The following SPOP variants were observed in gnomAD, a reference collection of about 807,000 sequenced individuals.
SPOP encodes the protein speckle-type POZ protein.
SPOP carries 11 observed loss-of-function variants against 45.6 expected under a neutral mutation model. The ratio of observed to expected loss-of-function variants is 0.24; its 90% CI spans 0.15 to 0.40. The LOEUF is 0.40. Among genes scored for constraint, SPOP ranks in the 10% least tolerant of loss-of-function variants. SPOP has a pLI of 1.00. For synonymous variants in SPOP, 166 were observed against 166.3 expected, an observed-to-expected ratio of 1.00 and a Z score of 0.01; for missense variants, 152 against 465.6, an observed-to-expected ratio of 0.33 and a Z score of 6.20.
intron 1 of SPOP, among the ~76,000 whole-genome samples, chr17:49,638,881 C>T (rs188331488): frequency 4.6e-5 from 7 of 152,158 alleles, no homozygotes; most frequent in Admixed American, 2.6e-4. Flanking sequence ...GGCGTGGTGA[C>T]GGGCGTTTAT....
chr17:49,633,191 T>C (rs1470282868), intron 1 of SPOP, among the ~76,000 whole-genome samples: 1 of 152,222 alleles, frequency 6.6e-6, no homozygotes, highest in South Asian at 2.1e-4. Flanking sequence ...GGATTAGATA[T>C]GCACTTGTAC....
At chr17:49,672,137 C>T (rs2073144002) in intron 1 of SPOP, among the ~76,000 whole-genome samples, 2 of 151,654 alleles carry the variant, frequency 1.3e-5, no homozygotes, top group Admixed American at 1.3e-4. Flanking sequence ...AAGACTCCAT[C>T]TCAAAAAAAA....
chr17:49,677,689 G>A (rs970578196), intron 1 of SPOP, among the ~76,000 whole-genome samples: 1 of 152,170 alleles, frequency 6.6e-6, no homozygotes, highest in Admixed American at 6.5e-5. Flanking sequence ...GGAAATGATG[G>A]GGGGGCTGAA....
chr17:49,666,864 A>G (rs1313682446), intron 1 of SPOP, among the ~76,000 whole-genome samples: 1 of 152,194 alleles, frequency 6.6e-6, no homozygotes, highest in African/African-American at 2.4e-5. Context: ...CAGTTTGATA[A>G]AAGATAAAAT....
chr17:49,600,637 A>C lies in SPOP; in HGVS notation c.981-115T>G, dbSNP rs2071722603. 8.9e-7 allele frequency: 1 copy of C among 1,129,154 alleles called. No individual in the cohort carries two copies. Among genetic ancestry groups the C allele is most frequent in the East Asian group, 2.4e-5 (1 of 40,848 alleles). 69.9% of individuals were successfully genotyped at this position (1,129,154 alleles called of 1,614,324 possible). ...AGGTATAAAGGGTGTCAATGCAAGAAACAGAAGAACCCTTAATATGCATAA... is the reference window on the plus strand; with the variant it reads ...AGGTATAAAGGGTGTCAATGCAAGACACAGAAGAACCCTTAATATGCATAA... On this transcript the variant is annotated intron_variant, in intron 9 of 9. Transcript: ENST00000504102. The surrounding 1 kb of genome is among the most constrained non-coding windows in gnomAD (Gnocchi z 4.2).
intron 5 of SPOP, among the ~76,000 whole-genome samples, chr17:49,618,172 A>G (rs2072130499): frequency 6.6e-6 from 1 of 152,168 alleles, no homozygotes; most frequent in Non-Finnish European, 1.5e-5. Context: ...GGTGCTGCTC[A>G]GGAAGTGGTT....
At chr17:49,675,756 G>C (rs954688033) in intron 1 of SPOP, 2 of 152,112 alleles carry the variant, frequency 1.3e-5, no homozygotes, top group East Asian at 1.9e-4. Flanking sequence ...ACAGTGGCTC[G>C]CACCTGTAAT....
At chr17:49,647,909 C>T (rs2072786034) in intron 1 of SPOP, among the ~76,000 whole-genome samples, 1 of 152,174 alleles carries the variant, frequency 6.6e-6, no homozygotes, top group Non-Finnish European at 1.5e-5. Context: ...TTTCAAGAAA[C>T]CAGTGTCTTT....
intron 1 of SPOP, among the ~76,000 whole-genome samples, chr17:49,626,261 T>A (rs558505594): frequency 7.2e-5 from 11 of 152,344 alleles, no homozygotes; most frequent in Admixed American, 4.6e-4. Context: ...GATCATTCTA[T>A]AATAGTTTTA....
intron 1 of SPOP, among the ~76,000 whole-genome samples, chr17:49,650,283 A>C (rs971268456): frequency 6.6e-6 from 1 of 152,190 alleles, no homozygotes; most frequent in South Asian, 2.1e-4. Context: ...AAATTGGCTT[A>C]TAAATAGAAA....
At chr17:49,633,016 C>CCAA (rs2072480694) in intron 1 of SPOP, among the ~76,000 whole-genome samples, 1 of 152,180 alleles carries the variant, frequency 6.6e-6, no homozygotes, top group Non-Finnish European at 1.5e-5. Context: ...ACATTTCTGG[C>CCAA]ATAGCCAAAT....
chr17:49,675,551 T>C (rs962857165), intron 1 of SPOP, among the ~76,000 whole-genome samples: 5 of 152,248 alleles, frequency 3.3e-5, no homozygotes, highest in African/African-American at 9.6e-5. Flanking sequence ...TGTGTACCTT[T>C]TGAATTTTGT....
intron 1 of SPOP, chr17:49,676,109 T>C (rs935717646): frequency 3.3e-5 from 5 of 152,232 alleles, no homozygotes; most frequent in African/African-American, 1.2e-4. Context: ...GTTTCACTTC[T>C]AGATACTACC....
intron 8 of SPOP, 28 bp downstream of exon 8, chr17:49,607,222 C>T: frequency 6.2e-7 from 1 of 1,613,866 alleles, no homozygotes; most frequent in Non-Finnish European, 8.5e-7. Flanking sequence ...AACTCCTAGT[C>T]CTGATTATTT....
At chr17:49,626,761 C>T (rs938774804) in intron 1 of SPOP, among the ~76,000 whole-genome samples, 3 of 151,962 alleles carry the variant, frequency 2.0e-5, no homozygotes, top group Admixed American at 6.6e-5. Flanking sequence ...ATAATAAACA[C>T]GGAGATTAAT....
intron 5 of SPOP, among the ~76,000 whole-genome samples, chr17:49,614,092 C>T (rs763309509): frequency 6.6e-6 from 1 of 152,106 alleles, no homozygotes; most frequent in Non-Finnish European, 1.5e-5. Flanking sequence ...AAAGATTGTG[C>T]CAATTCTTGT....
intron 1 of SPOP, among the ~76,000 whole-genome samples, chr17:49,655,589 A>G (rs1411817222): frequency 6.6e-6 from 1 of 152,208 alleles, no homozygotes; most frequent in African/African-American, 2.4e-5. Flanking sequence ...ATTTACATCC[A>G]AAATTCTATC....
intron 1 of SPOP, among the ~76,000 whole-genome samples, chr17:49,677,058 G>C (rs554287760): frequency 6.6e-6 from 1 of 152,324 alleles, no homozygotes; most frequent in African/African-American, 2.4e-5. Context: ...GTCACACAAA[G>C]TAAGAAGGCC....
rs1040970423 is a variant in SPOP at position 49,599,316 on chromosome 17, AAAAAAAATTAAC to A, written c.*1050_*1061del. On this transcript the variant is annotated 3_prime_UTR_variant, in exon 10 of 10. Transcript: ENST00000504102. ...TAGTAATTATTTATATTTTCAAAAA[AAAAAAAATTAAC>A]ATTTGGAAGTTCTCCCCTGGAGGAA... The A allele has an allele frequency of 5.4e-5, 12 of 221,336 alleles. No homozygotes were observed. Among genetic ancestry groups the A allele is most frequent in the African/African-American group, 2.7e-4 (12 of 44,618 alleles). The allele number at this position is 221,336 out of a possible 1,614,324, so 13.7% of individuals were successfully genotyped here. A position where few individuals can be genotyped will look rare whatever the true frequency, so the allele number is the denominator to read the frequency against.
Sources: allele counts gnomAD v4.1 joint callset (sites outside exome capture counted in the v4.1 genomes callset), GRCh38; gene constraint gnomAD v4.1.1; non-coding constraint Gnocchi (gnomAD v3.1); transcripts MANE v1.5; gene names NCBI Gene and HGNC (gene_info 2026-07-23, HGNC 2026-07-21).